Variants in AMZ2 observed in about 807,000 individuals in gnomAD.
The protein encoded by AMZ2 is archaemetzincin-2.
AMZ2 carries 26 observed loss-of-function variants against 36.7 expected under a neutral mutation model. That is an observed-to-expected ratio of 0.71 (90% CI 0.52 to 0.98). The LOEUF (loss-of-function observed/expected upper bound fraction) is 0.98, where lower values mean the gene tolerates loss of function less well. AMZ2 is among the 50% of genes least tolerant of loss of function. AMZ2 has a pLI of 0.00. For missense variants in AMZ2, 394 were observed against 430.5 expected (o/e 0.92, Z 0.75); for synonymous variants, 144 against 149.1 (o/e 0.97, Z 0.25).
intron 1 of AMZ2, chr17:68,206,462 T>G (rs7214881): frequency 4.9e-6 from 1 of 205,668 alleles, no homozygotes; most frequent in Non-Finnish European, 9.2e-6. Context: ...GTTTGCAGGC[T>G]ACACTCGCTC....
At chr17:68,246,391 G>A (rs1164562219), upstream of AMZ2, among the ~76,000 whole-genome samples, 51 of 152,052 alleles carry the variant, frequency 3.4e-4, no homozygotes, top group African/African-American at 1.2e-3. Flanking sequence ...AAAAAAAGAT[G>A]TGCTGTAATT....
upstream of AMZ2, chr17:68,247,837 G>A (rs2074098935): frequency 1.0e-6 from 1 of 985,516 alleles, no homozygotes; most frequent in Non-Finnish European, 1.2e-6. Context: ...TGGACAGCTG[G>A]GGCTTGTAGT....
rs2074841788 is a variant in AMZ2 at position 68,255,645 on chromosome 17, C to T, written c.751-55C>T. On this transcript the variant is annotated intron_variant, in intron 5 of 6. Transcript: ENST00000359904. The stretch of plus-strand genomic sequence containing the variant: ...TTGGAAAAGCAAGAAAAAGAAGAGA[C>T]GTGTAGCCTAATGTGATGGTGGTCT... 5 of 1,540,836 alleles carry T rather than the reference C, an allele frequency of 3.2e-6. 1 individual carries two copies. The highest frequency in any genetic ancestry group is 1.7e-4 in the Middle Eastern group (1 of 5,802).
chr17:68,217,879 C>T (rs1286499506), intron 1 of AMZ2, among the ~76,000 whole-genome samples: 54 of 145,226 alleles, frequency 3.7e-4, no homozygotes, highest in African/African-American at 1.4e-3. Context: ...GTGACGTGAT[C>T]TCAGCTCACT....
intron 1 of AMZ2, among the ~76,000 whole-genome samples, chr17:68,230,964 C>G (rs1555731107): frequency 6.6e-6 from 1 of 152,164 alleles, no homozygotes; most frequent in African/African-American, 2.4e-5. Flanking sequence ...TTCAGAAATT[C>G]ATTTTCAGGT....
intron 4 of AMZ2, among the ~76,000 whole-genome samples, chr17:68,252,628 C>T (rs1291558838): frequency 6.6e-6 from 1 of 152,092 alleles, no homozygotes; most frequent in Non-Finnish European, 1.5e-5. Flanking sequence ...CTCAGCCTCC[C>T]GAGTAGCTGG....
At chr17:68,221,448 G>A (rs2073363595) in intron 1 of AMZ2, among the ~76,000 whole-genome samples, 1 of 152,116 alleles carries the variant, frequency 6.6e-6, no homozygotes, top group Non-Finnish European at 1.5e-5. Flanking sequence ...GAAAGCCAGA[G>A]GCAGGGCACG....
In AMZ2 at chr17:68,256,834, T is replaced by C. The variant is rs143382726; in HGVS notation, c.948T>C (p.Asp316=). The C allele has an allele frequency of 4.2e-4, 671 of 1,613,344 alleles. 1 individual carries two copies. Among genetic ancestry groups the C allele is most frequent in the Middle Eastern group, 6.6e-4 (4 of 6,062 alleles). Residue 316 remains aspartate (D), a synonymous_variant, in exon 7 of 7, where the codon GAT becomes GAC. Transcript: ENST00000359904. ...ERYKALVRWI[D]DESSDTPGAT... The stretch of plus-strand genomic sequence containing the variant: ...TCCAGGCACTGGTGAGGTGGATTGA[T>C]GATGAATCTTCTGACACACCTGGAG...
chr17:68,218,779 T>C (rs1555727882), intron 1 of AMZ2, among the ~76,000 whole-genome samples: 1 of 152,220 alleles, frequency 6.6e-6, no homozygotes, highest in Admixed American at 6.5e-5. Flanking sequence ...CTCATCTTAG[T>C]AAATGGGATT....
At chr17:68,243,260 A>G (rs2073940805), upstream of AMZ2, among the ~76,000 whole-genome samples, 1 of 151,776 alleles carries the variant, frequency 6.6e-6, no homozygotes, top group African/African-American at 2.4e-5. Flanking sequence ...TCAGCCTCCT[A>G]AGTAGCTGGA....
chr17:68,210,957 A>AGGGGGG (rs71142141), intron 1 of AMZ2, among the ~76,000 whole-genome samples: 6 of 117,810 alleles, frequency 5.1e-5, no homozygotes, highest in African/African-American at 2.0e-4. Context: ...TCAAAAAAAA[A>AGGGGGG]GGGGGGGGGG....
intron 4 of AMZ2, among the ~76,000 whole-genome samples, chr17:68,253,095 A>C (rs782158637): frequency 5.9e-5 from 9 of 152,216 alleles, no homozygotes; most frequent in Non-Finnish European, 1.2e-4. Context: ...TACGAAAAAA[A>C]TAGTCTATTT....
chr17:68,246,979 G>A (rs1349055164), upstream of AMZ2: 17 of 152,004 alleles, frequency 1.1e-4, no homozygotes, highest in Non-Finnish European at 7.3e-5. Flanking sequence ...GGGTGCGGGG[G>A]GGTGGATCAC....
chr17:68,214,363 C>G (rs1260690895), intron 1 of AMZ2, among the ~76,000 whole-genome samples: 25 of 152,130 alleles, frequency 1.6e-4, no homozygotes, highest in African/African-American at 5.8e-4. Context: ...GCATGGAGGT[C>G]TTGCTGGTGG....
intron 1 of AMZ2, among the ~76,000 whole-genome samples, chr17:68,220,835 T>C (rs1555728295): frequency 6.8e-6 from 1 of 147,588 alleles, no homozygotes; most frequent in Non-Finnish European, 1.5e-5. Flanking sequence ...CAGGCTGGGG[T>C]GCAGTGGTGC....
intron 1 of AMZ2, among the ~76,000 whole-genome samples, chr17:68,210,169 T>TTC (rs1555725573): frequency 3.3e-5 from 5 of 152,248 alleles, no homozygotes; most frequent in Non-Finnish European, 5.9e-5. Flanking sequence ...TATGACCCGG[T>TTC]AATTCTATTC....
chr17:68,206,353 C>A (rs568770249), intron 1 of AMZ2: 6 of 1,089,688 alleles, frequency 5.5e-6, no homozygotes, highest in East Asian at 7.3e-5. Flanking sequence ...CGCCTCCCCC[C>A]CAAACAGAGG....
At chr17:68,217,029 T>A (rs2073215376) in intron 1 of AMZ2, among the ~76,000 whole-genome samples, 1 of 117,044 alleles carries the variant, frequency 8.5e-6, no homozygotes. Context: ...CGAGACTCCG[T>A]CTCAAAAAAA....
chr17:68,207,578 A>C (rs2072878920), intron 1 of AMZ2: 1 of 152,246 alleles, frequency 6.6e-6, no homozygotes, highest in Admixed American at 6.5e-5. Flanking sequence ...GAAGTGGTTA[A>C]CTTGAAAAGT....
Sources: gnomAD v4.1 joint callset for allele counts (sites outside exome capture counted in the v4.1 genomes callset) on GRCh38, gnomAD v4.1.1 for gene constraint, MANE v1.5 for transcripts, NCBI Gene and HGNC (gene_info 2026-07-23, HGNC 2026-07-21) for gene names.